The following ROBO2 variants were observed in gnomAD, a reference collection of about 807,000 sequenced individuals.
The protein encoded by ROBO2 is roundabout guidance receptor 2, also known as roundabout homolog 2.
ROBO2 carries 53 observed loss-of-function variants against 160.8 expected under a neutral mutation model. The observed-to-expected ratio is 0.33, with a 90% CI of 0.26 to 0.41. The LOEUF (loss-of-function observed/expected upper bound fraction) is 0.41, where lower values mean the gene tolerates loss of function less well. Ranked by LOEUF, ROBO2 falls within the 10% of genes least tolerant of loss-of-function variation. The probability of loss-of-function intolerance (pLI) is 1.00; values close to 1 mark genes in which losing one functional copy is unlikely to be tolerated. For missense variants in ROBO2, 1,577 were observed against 1,722.4 expected (o/e 0.92, Z 1.49); for synonymous variants, 664 against 611.7 (o/e 1.09, Z -1.26).
At chr3:75,910,220 C>G (rs1401463027) in intron 1 of ROBO2, among the ~76,000 whole-genome samples, 1 of 152,136 alleles carries the variant, frequency 6.6e-6, no homozygotes, top group Non-Finnish European at 1.5e-5. Context: ...AATCACTGCA[C>G]CCTTGGACAT....
intron 2 of ROBO2, among the ~76,000 whole-genome samples, chr3:76,280,056 C>A (rs1708148239): frequency 6.6e-6 from 1 of 151,950 alleles, no homozygotes; most frequent in Non-Finnish European, 1.5e-5. Context: ...CCTATTATAT[C>A]CCCATTCCTT....
At chr3:76,403,671 G>C (rs1169571010) in intron 2 of ROBO2, among the ~76,000 whole-genome samples, 1 of 151,584 alleles carries the variant, frequency 6.6e-6, no homozygotes, top group Non-Finnish European at 1.5e-5. Flanking sequence ...AGCACTGGCA[G>C]AGTCTGTAAG....
chr3:76,434,536 A>G, intron 2 of ROBO2: 3 of 1,579,952 alleles, frequency 1.9e-6, no homozygotes, highest in South Asian at 2.2e-5. Context: ...AGAAGCATGT[A>G]GACTGGGTCA....
intron 23 of ROBO2, chr3:77,632,893 T>C (rs1384535910): frequency 2.9e-6 from 1 of 346,040 alleles, no homozygotes; most frequent in African/African-American, 2.1e-5. Flanking sequence ...ACGGCTTTAC[T>C]GATTAATTGG....
intron 13 of ROBO2, among the ~76,000 whole-genome samples, chr3:77,574,027 A>T (rs1049783173): frequency 6.6e-6 from 1 of 151,962 alleles, no homozygotes; most frequent in African/African-American, 2.4e-5. Context: ...AGGAACCCAA[A>T]ACATGTGTTT....
At chr3:76,492,697 G>A (rs1292529519) in intron 2 of ROBO2, among the ~76,000 whole-genome samples, 2 of 151,874 alleles carry the variant, frequency 1.3e-5, no homozygotes, top group Admixed American at 1.3e-4. Context: ...AGCCATTAAC[G>A]ACGTACTATA....
At chr3:77,504,527 A>G (rs1298898913) in intron 5 of ROBO2, among the ~76,000 whole-genome samples, 1 of 152,204 alleles carries the variant, frequency 6.6e-6, no homozygotes, top group African/African-American at 2.4e-5. Context: ...ACAAAAAAGT[A>G]AAAGAGACCT....
chr3:76,418,437 C>G (rs1167570091), intron 2 of ROBO2, among the ~76,000 whole-genome samples: 1 of 149,852 alleles, frequency 6.7e-6, no homozygotes, highest in African/African-American at 2.4e-5. Flanking sequence ...GACAGGGTTT[C>G]ACCATGTTGG....
chr3:76,348,528 C>T (rs1490293699), intron 2 of ROBO2, among the ~76,000 whole-genome samples: 1 of 152,110 alleles, frequency 6.6e-6, no homozygotes. Context: ...CTCCTGAAGG[C>T]AGCCCTTGGC....
intron 2 of ROBO2, among the ~76,000 whole-genome samples, chr3:76,313,970 C>T (rs781428242): frequency 6.6e-6 from 1 of 152,034 alleles, no homozygotes; most frequent in East Asian, 1.9e-4. Context: ...ACGAGCAGCA[C>T]GTAGCCAGAC....
chr3:76,640,529 G>T (rs1359469150), intron 2 of ROBO2, among the ~76,000 whole-genome samples: 9 of 115,050 alleles, frequency 7.8e-5, no homozygotes, highest in Non-Finnish European at 1.6e-4. Flanking sequence ...GTGAAGCTCC[G>T]TCTCAAAAAT....
chr3:76,451,400 G>A (rs959997559), intron 2 of ROBO2, among the ~76,000 whole-genome samples: 4 of 152,024 alleles, frequency 2.6e-5, no homozygotes, highest in Non-Finnish European at 5.9e-5. Flanking sequence ...TATTTTGATC[G>A]CTCCTTTCCT....
At chr3:77,418,273 T>C (rs1001690379) in intron 2 of ROBO2, among the ~76,000 whole-genome samples, 19 of 152,282 alleles carry the variant, frequency 1.2e-4, no homozygotes, top group Middle Eastern at 3.4e-3. Flanking sequence ...TCTTAGTATT[T>C]CTAAATTAGC....
At chr3:76,875,951 G>A (rs566642589) in intron 2 of ROBO2, among the ~76,000 whole-genome samples, 2 of 151,958 alleles carry the variant, frequency 1.3e-5, no homozygotes, top group South Asian at 4.2e-4. Flanking sequence ...ACCACACCTA[G>A]CCCTGCCTCC....
intron 2 of ROBO2, among the ~76,000 whole-genome samples, chr3:76,992,327 AT>A (rs1177999272): frequency 2.6e-4 from 1 of 3,818 alleles, no homozygotes; most frequent in Non-Finnish European, 5.4e-4. Context: ...ATGTATTACT[AT>A]ATATATATAT....
chr3:76,146,855 T>C (rs2071920516), intron 2 of ROBO2, among the ~76,000 whole-genome samples: 2 of 140,372 alleles, frequency 1.4e-5, no homozygotes, highest in East Asian at 2.6e-4. Context: ...TACCCACCTC[T>C]CCCCTCCACC....
intron 2 of ROBO2, among the ~76,000 whole-genome samples, chr3:76,800,022 C>T (rs2064077573): frequency 6.6e-6 from 1 of 152,090 alleles, no homozygotes; most frequent in Admixed American, 6.5e-5. Flanking sequence ...TAAAAACAGA[C>T]ACAAAGACCA....
At chr3:76,394,954 C>T (rs2077353461) in intron 2 of ROBO2, among the ~76,000 whole-genome samples, 1 of 152,156 alleles carries the variant, frequency 6.6e-6, no homozygotes, top group African/African-American at 2.4e-5. Context: ...AGGAACTGAA[C>T]TCAGCTCTGC....
rs551342261 is a variant in ROBO2, at chr3:76,278,155, T to C, written c.109+340553T>C. Among the ~76,000 whole-genome samples the C allele has an allele frequency of 5.7e-4, 87 of 152,070 alleles. 1 individual carries two copies. Among genetic ancestry groups the C allele is most frequent in the South Asian group, 1.2e-3 (6 of 4,824 alleles). Reference sequence around the variant, plus strand: ...AAAATCTGCCACAGAGCAAGACTAATTGGGTGATGAAAACAGAGACTGAAA... The same window carrying C: ...AAAATCTGCCACAGAGCAAGACTAACTGGGTGATGAAAACAGAGACTGAAA... On this transcript the variant is annotated intron_variant, in intron 2 of 26. Transcript: ENST00000487694.
Sources: allele counts gnomAD v4.1 joint callset (sites outside exome capture counted in the v4.1 genomes callset), GRCh38; gene constraint gnomAD v4.1.1; transcripts MANE v1.5; gene names NCBI Gene and HGNC (gene_info 2026-07-23, HGNC 2026-07-21).